Variants in MAG observed in about 807,000 individuals in gnomAD.
MAG encodes myelin-associated glycoprotein.
A neutral mutation model predicts 60.7 loss-of-function variants in MAG; 30 were observed. The observed-to-expected ratio is 0.49, with a 90% CI of 0.37 to 0.67. The LOEUF (loss-of-function observed/expected upper bound fraction) is 0.67, where lower values mean the gene tolerates loss of function less well. MAG is among the 30% of genes least tolerant of loss of function. The probability of loss-of-function intolerance (pLI) is 0.00; values close to 1 mark genes in which losing one functional copy is unlikely to be tolerated. For missense variants in MAG, 795 were observed against 851.7 expected, an observed-to-expected ratio of 0.93 and a Z score of 0.83; for synonymous variants, 384 against 376.8, an observed-to-expected ratio of 1.02 and a Z score of -0.22.
At chr19:35,292,669 G>A (rs2066365801) in intron 1 of MAG, among the ~76,000 whole-genome samples, 1 of 152,016 alleles carries the variant, frequency 6.6e-6, no homozygotes, top group Admixed American at 6.6e-5. Context: ...GTGTGTGCGT[G>A]TGCGTGCACA....
rs764235698 is a variant in MAG, at chr19:35,302,482, G to A, written c.1005G>A (p.Met335Ile). ...GGAAGCCAACAGTGAACGGGACAAT[G>A]GTGGCCGTAGAGGGGGAGACGGTCT... The part of the protein sequence containing the change: ...APWKPTVNGT[M>I]VAVEGETVSI... Residue 335 changes from methionine (M) to isoleucine (I), a missense_variant, in exon 7 of 11, where the codon ATG becomes ATA. Coordinates refer to ENST00000392213, the MANE Select transcript of MAG (RefSeq NM_002361.4). 2 of 1,614,196 alleles carry A rather than the reference G, an allele frequency of 1.2e-6. No homozygotes were observed. The highest frequency in any genetic ancestry group is 1.7e-6 in the Non-Finnish European group (2 of 1,180,046).
intron 10 of MAG, chr19:35,312,685 G>A (rs1401127929): frequency 2.7e-6 from 1 of 365,304 alleles, no homozygotes; most frequent in Admixed American, 4.2e-5. Context: ...TCCTGACTAG[G>A]TGGTTTTCAC....
intron 10 of MAG, 81 bp downstream of exon 10, chr19:35,312,098 G>A (rs2066532280): frequency 7.1e-7 from 1 of 1,401,378 alleles, no homozygotes; most frequent in Non-Finnish European, 1.0e-6. Flanking sequence ...TGAGGCCAAG[G>A]GGCAGGGGAG....
At chr19:35,300,099 C>A in intron 5 of MAG, 48 bp from the exon 6 acceptor site, 10 of 1,489,378 alleles carry the variant, frequency 6.7e-6, no homozygotes, top group Non-Finnish European at 8.9e-6. Context: ...GGCACTGGGC[C>A]GGTTCCCCAG....
At position 35,299,794 on chromosome 19, in the gene MAG, C is replaced by T; in HGVS notation, c.656C>T (p.Ala219Val). The change falls in exon 5 of 11, where the codon GCC (alanine) becomes GTC (valine). Residue 219 changes from alanine to valine, a missense_variant. Ala to Val is a moderately conservative substitution (Grantham distance 64). Coordinates refer to ENST00000392213, the MANE Select transcript of MAG (RefSeq NM_002361.4). ...EANGHRLGCQ[A>V]SFPNTTLQFE... The stretch of plus-strand genomic sequence containing the variant: ...AACGGCCACAGGCTGGGCTGCCAGG[C>T]CTCCTTCCCCAACACCACCCTGCAG... 2.6e-6 allele frequency: 4 copies of T among 1,542,088 alleles called. No homozygotes were observed. Among genetic ancestry groups the T allele is most frequent in the East Asian group, 2.4e-5 (1 of 41,248 alleles).
chr19:35,299,601 G>A lies in MAG; in HGVS notation c.463G>A (p.Val155Met). The change falls in exon 5 of 11, where the codon GTG becomes ATG. Residue 155 changes from valine to methionine, a missense_variant. Coordinates refer to ENST00000392213, the MANE Select transcript of MAG (RefSeq NM_002361.4). ...VPPEVVAGTE[V>M]EVSCMVPDNC... Reference sequence around the variant, plus strand: ...CCCAGAGGTGGTGGCAGGCACGGAGGTGGAGGTCAGCTGCATGGTGCCGGA... The same window carrying A: ...CCCAGAGGTGGTGGCAGGCACGGAGATGGAGGTCAGCTGCATGGTGCCGGA... 1 of 1,607,172 alleles carries A rather than the reference G, an allele frequency of 6.2e-7. No homozygotes were observed. The highest frequency in any genetic ancestry group is 8.5e-7 in the Non-Finnish European group (1 of 1,175,298).
chr19:35,303,239 A>T (rs372783725), intron 7 of MAG, among the ~76,000 whole-genome samples: 8 of 152,208 alleles, frequency 5.3e-5, no homozygotes, highest in African/African-American at 1.7e-4. Context: ...TGGGCTTTTG[A>T]CCAGTGAAAT....
Position 35,298,988 on chromosome 19 carries a change from C to T in MAG, c.416-566C>T, listed in dbSNP as rs112784871. Among the ~76,000 whole-genome samples the T allele has an allele frequency of 4.3e-3, 652 of 151,118 alleles. 4 individuals are homozygous for T. The highest frequency in any genetic ancestry group is 0.015 in the African/African-American group (631 of 41,168). On this transcript the variant is annotated intron_variant, in intron 4 of 10. Transcript: ENST00000392213. ...CTACACACATACATCACAAACACAC[C>T]ACATACTACACAAACCACACACATC...
chr19:35,300,334 C>T lies in MAG; in HGVS notation c.900C>T (p.Asp300=), dbSNP rs1457657721. Residue 300 remains aspartate (D), a synonymous_variant, in exon 6 of 11, where the codon GAC becomes GAT. Coordinates refer to ENST00000392213, the MANE Select transcript of MAG (RefSeq NM_002361.4). ...LELEEVTPAE[D]GVYACLAENA... Reference sequence around the variant, plus strand: ...TGGAGGAGGTGACCCCCGCCGAAGACGGCGTCTATGCCTGCCTGGCCGAGA... The same window carrying T: ...TGGAGGAGGTGACCCCCGCCGAAGATGGCGTCTATGCCTGCCTGGCCGAGA... The T allele has an allele frequency of 5.6e-6, 9 of 1,598,994 alleles. No individual in the cohort carries two copies. The highest frequency in any genetic ancestry group is 1.7e-5 in the Admixed American group (1 of 59,966).
At chr19:35,296,384 A>C (rs2066398387) in intron 4 of MAG, among the ~76,000 whole-genome samples, 1 of 152,196 alleles carries the variant, frequency 6.6e-6, no homozygotes, top group African/African-American at 2.4e-5. Flanking sequence ...CAATGAGTGA[A>C]AAGCCATCAG....
chr19:35,293,692 G>A lies in MAG; in HGVS notation c.-79-543G>A, dbSNP rs368378811. On this transcript the variant is annotated intron_variant, in intron 1 of 10. Transcript: ENST00000392213. This position sits in a 1 kb window ranked among gnomAD's most constrained non-coding sequence, Gnocchi z 4.0. ...CCTTCCTGGCCCTGCTCAAAGGCCAGCCAGGAGTGCCTGACCCCTTTCTTA... is the reference window on the plus strand; with the variant it reads ...CCTTCCTGGCCCTGCTCAAAGGCCAACCAGGAGTGCCTGACCCCTTTCTTA... Among the ~76,000 whole-genome samples the A allele has an allele frequency of 6.6e-6, 1 of 151,998 alleles. No homozygotes were observed. Among genetic ancestry groups the A allele is most frequent in the East Asian group, 1.9e-4 (1 of 5,156 alleles).
intron 7 of MAG, among the ~76,000 whole-genome samples, chr19:35,307,822 T>C (rs1599656780): frequency 6.6e-6 from 1 of 151,722 alleles, no homozygotes. Context: ...TGGAGGGTGG[T>C]GTTTGGTGCT....
chr19:35,308,468 C>T (rs2269756), intron 7 of MAG, among the ~76,000 whole-genome samples: 1 of 152,140 alleles, frequency 6.6e-6, no homozygotes, highest in Non-Finnish European at 1.5e-5. Context: ...CAGTGGCTTG[C>T]GCCTTATAAT....
rs573802431 is a variant in MAG at position 35,299,092 on chromosome 19, C to T, written c.416-462C>T. ...CTACACACACACACACTCACATGCCCGGCGGAGGGTAAACCAAGCAGGCAT... is the reference window on the plus strand; with the variant it reads ...CTACACACACACACACTCACATGCCTGGCGGAGGGTAAACCAAGCAGGCAT... On this transcript the variant is annotated intron_variant, in intron 4 of 10. Transcript: ENST00000392213. Among the ~76,000 whole-genome samples, 8 of 152,166 alleles carry T rather than the reference C, an allele frequency of 5.3e-5. No homozygotes were observed. In the South Asian group the frequency reaches 8.3e-4, roughly 16 times the overall value.
At chr19:35,296,034 A>C in intron 4 of MAG, 53 bp downstream of exon 4, 1 of 1,521,898 alleles carries the variant, frequency 6.6e-7, no homozygotes, top group Middle Eastern at 1.8e-4. Flanking sequence ...CGGGGCGGGA[A>C]GGAGTGTGGC....
intron 9 of MAG, among the ~76,000 whole-genome samples, chr19:35,311,631 G>A (rs564406931): frequency 1.3e-5 from 2 of 152,316 alleles, no homozygotes; most frequent in African/African-American, 4.8e-5. Flanking sequence ...GTGGCAAGAG[G>A]GGCAGAAAGA....
intron 10 of MAG, 126 bp from the exon 11 acceptor site, chr19:35,313,164 A>G: frequency 9.7e-7 from 1 of 1,025,838 alleles, no homozygotes; most frequent in African/African-American, 1.6e-5. Context: ...GTCCTTGAGA[A>G]AGGAGGTTCT....
intron 4 of MAG, among the ~76,000 whole-genome samples, chr19:35,299,299 C>T (rs1050622279): frequency 1.3e-5 from 2 of 152,174 alleles, no homozygotes; most frequent in African/African-American, 4.8e-5. Context: ...AAGTTAAACG[C>T]CGTCAAGTGC....
At chr19:35,294,430 A>G in intron 2 of MAG, 140 bp downstream of exon 2, 1 of 374,090 alleles carries the variant, frequency 2.7e-6, no homozygotes, top group Middle Eastern at 3.5e-4. Context: ...TCATCACTGC[A>G]TAGAGACAGG....
Sources: allele counts gnomAD v4.1 joint callset (sites outside exome capture counted in the v4.1 genomes callset), GRCh38; gene constraint gnomAD v4.1.1; non-coding constraint Gnocchi (gnomAD v3.1); transcripts MANE v1.5; gene names NCBI Gene and HGNC (gene_info 2026-07-23, HGNC 2026-07-21).